Variants in RPS6KA6 observed in about 807,000 individuals in gnomAD.
RPS6KA6 encodes ribosomal protein S6 kinase alpha-6.
A neutral mutation model predicts 65.4 loss-of-function variants in RPS6KA6; 27 were observed. The ratio of observed to expected loss-of-function variants is 0.41; its 90% confidence interval spans 0.30 to 0.57. RPS6KA6 has a LOEUF of 0.57. Among genes scored for constraint, RPS6KA6 ranks in the 20% least tolerant of loss-of-function variants. The pLI, the probability that RPS6KA6 is intolerant of heterozygous loss-of-function variation, is 0.24. For synonymous variants in RPS6KA6, 190 were observed against 184.2 expected, an observed-to-expected ratio of 1.03 and a Z score of -0.26; for missense variants, 486 against 555.6, an observed-to-expected ratio of 0.87 and a Z score of 1.26.
At chrX:84,096,050 C>G (rs1456314979) in intron 20 of RPS6KA6, 144 bp downstream of exon 20, 1 of 453,234 alleles carries the variant, frequency 2.2e-6, no homozygotes, top group Non-Finnish European at 3.9e-6. Flanking sequence ...CCTTTGTACA[C>G]TGTTCAATTC....
At chrX:84,118,604 T>A (rs1230134768) in intron 9 of RPS6KA6, among the ~76,000 whole-genome samples, 1 of 111,669 alleles carries the variant, frequency 9.0e-6, no homozygotes. Flanking sequence ...TTCAGCTATC[T>A]CTTCTATTAA....
intron 1 of RPS6KA6, among the ~76,000 whole-genome samples, chrX:84,165,699 C>A (rs2147611483): frequency 9.0e-6 from 1 of 111,430 alleles, no homozygotes; most frequent in African/African-American, 3.3e-5. Context: ...AAGCCCTGAT[C>A]AAGAGAAAAT....
At chrX:84,122,085 G>A (rs747802447) in intron 8 of RPS6KA6, among the ~76,000 whole-genome samples, 4 of 112,055 alleles carry the variant, frequency 3.6e-5, no homozygotes, top group Non-Finnish European at 5.6e-5. Context: ...ATCAAAAATC[G>A]GGTGAGTAAT....
At chrX:84,107,594 C>A (rs747266172) in intron 13 of RPS6KA6, 29 bp downstream of exon 13, 2 of 916,680 alleles carry the variant, frequency 2.2e-6, no homozygotes, top group Admixed American at 2.7e-5. Context: ...TAAATAAAAT[C>A]TCTGATTTTA....
intron 2 of RPS6KA6, among the ~76,000 whole-genome samples, chrX:84,162,191 C>T (rs2147601625): frequency 9.1e-6 from 1 of 109,754 alleles, no homozygotes; most frequent in African/African-American, 3.3e-5. Context: ...CTTACCATCA[C>T]AGAGCAGTCT....
intron 3 of RPS6KA6, among the ~76,000 whole-genome samples, chrX:84,152,135 A>G (rs190150528): frequency 6.6e-4 from 74 of 111,408 alleles, no homozygotes; most frequent in Admixed American, 2.9e-4. Context: ...GTAGTATCCC[A>G]ATATGGCATT....
intron 21 of RPS6KA6, 127 bp downstream of exon 21, chrX:84,064,843 TA>T: frequency 2.0e-6 from 1 of 503,877 alleles, no homozygotes; most frequent in South Asian, 5.4e-5. Context: ...GTTGTTAATT[TA>T]AAAAAATCTA....
chrX:84,131,515 T>C (rs1569400770), intron 8 of RPS6KA6, among the ~76,000 whole-genome samples: 1 of 112,134 alleles, frequency 8.9e-6, no homozygotes, highest in East Asian at 2.8e-4. Context: ...CAGCTGAATA[T>C]AACACAGCTT....
At chrX:84,187,507 C>T (rs981369420) in intron 1 of RPS6KA6, 22 of 225,723 alleles carry the variant, frequency 9.7e-5, no homozygotes, top group African/African-American at 3.8e-4. Context: ...GCACAGCACC[C>T]CGCCAGTCCC....
chrX:84,168,266 G>A (rs1029780789), intron 1 of RPS6KA6, among the ~76,000 whole-genome samples: 3 of 110,846 alleles, frequency 2.7e-5, no homozygotes, highest in Non-Finnish European at 5.7e-5. Flanking sequence ...CTTTCCCCAC[G>A]CAGCTAATTT....
chrX:84,084,817 G>T (rs971463511), intron 20 of RPS6KA6, among the ~76,000 whole-genome samples: 1 of 112,032 alleles, frequency 8.9e-6, no homozygotes, highest in Admixed American at 9.5e-5. Context: ...CCACTTTCAT[G>T]ATATCGATTC....
intron 3 of RPS6KA6, among the ~76,000 whole-genome samples, chrX:84,150,953 A>C (rs1338657597): frequency 2.1e-5 from 2 of 93,712 alleles, no homozygotes; most frequent in African/African-American, 3.8e-5. Context: ...TATATATAGG[A>C]TATATATATA....
intron 1 of RPS6KA6, among the ~76,000 whole-genome samples, chrX:84,181,607 G>C (rs1278054318): frequency 9.0e-6 from 1 of 111,159 alleles, no homozygotes; most frequent in African/African-American, 3.3e-5. Context: ...TTGGCCTAGA[G>C]CTGTGGTTTT....
chrX:84,122,075 AT>A (rs2034680612), intron 8 of RPS6KA6, among the ~76,000 whole-genome samples: 1 of 112,605 alleles, frequency 8.9e-6, no homozygotes, highest in South Asian at 3.6e-4. Context: ...CATCACAAGA[AT>A]CAAAAATCGG....
intron 1 of RPS6KA6, among the ~76,000 whole-genome samples, chrX:84,169,153 T>A (rs1004029848): frequency 2.7e-5 from 3 of 112,071 alleles, no homozygotes; most frequent in Non-Finnish European, 5.6e-5. Context: ...ATGTTTATCA[T>A]CAACAATAAA....
intron 20 of RPS6KA6, among the ~76,000 whole-genome samples, chrX:84,088,425 T>C (rs180957900): frequency 4.1e-4 from 46 of 111,971 alleles, no homozygotes; most frequent in Admixed American, 2.4e-3. Flanking sequence ...CTAGCTTTCA[T>C]TGATTTTCCC....
At position 84,059,487 on chromosome X, in the gene RPS6KA6, A is replaced by G. The variant is rs1466323776; in HGVS notation, c.*4790T>C. 9.0e-6 allele frequency: 1 copy of G among 111,720 alleles called. No individual in the cohort carries two copies. The highest frequency in any genetic ancestry group is 1.9e-5 in the Non-Finnish European group (1 of 53,222). The allele number at this position is 111,720 out of a possible 1,213,427, so 9.2% of individuals were successfully genotyped here. A position where few individuals can be genotyped will look rare whatever the true frequency, so the allele number is the denominator to read the frequency against. The stretch of plus-strand genomic sequence containing the variant: ...AAAAATAATTTTATCATACTAAAAA[A>G]CAAAACACTACATATTTGTTATAAG... On this transcript the variant is annotated 3_prime_UTR_variant, in exon 22 of 22. Coordinates refer to ENST00000262752, the MANE Select transcript of RPS6KA6 (RefSeq NM_014496.5).
At chrX:84,104,833 C>T (rs752627181) in intron 16 of RPS6KA6, among the ~76,000 whole-genome samples, 176 bp from the exon 17 acceptor site, 2 of 110,392 alleles carry the variant, frequency 1.8e-5, no homozygotes, top group African/African-American at 6.5e-5. Context: ...GTTGAATTGG[C>T]TAAACAGTCA....
chrX:84,175,458 CTA>C (rs1228580070), intron 1 of RPS6KA6, among the ~76,000 whole-genome samples: 1 of 111,530 alleles, frequency 9.0e-6, no homozygotes, highest in African/African-American at 3.3e-5. Context: ...AATGTTATCT[CTA>C]TTAACAGCTA....
Sources: gnomAD v4.1 joint callset for allele counts (sites outside exome capture counted in the v4.1 genomes callset) on GRCh38, gnomAD v4.1.1 for gene constraint, MANE v1.5 for transcripts, NCBI Gene and HGNC (gene_info 2026-07-23, HGNC 2026-07-21) for gene names.